Variants in NFKBIL1 observed in about 807,000 individuals in gnomAD.
NFKBIL1 encodes the protein NFKB inhibitor like 1, also known as NF-kappa-B inhibitor-like protein 1.
In NFKBIL1, 30 loss-of-function variants were observed where a neutral mutation model predicts 45.4. The ratio of observed to expected loss-of-function variants is 0.66; its 90% CI spans 0.49 to 0.90. The LOEUF (loss-of-function observed/expected upper bound fraction) is 0.90. Among genes scored for constraint, NFKBIL1 ranks in the 40% least tolerant of loss-of-function variants. The probability of loss-of-function intolerance (pLI) is 0.00; values close to 1 mark genes in which losing one functional copy is unlikely to be tolerated. For synonymous variants in NFKBIL1, 179 were observed against 197.3 expected, an observed-to-expected ratio of 0.91 and a Z score of 0.78; for missense variants, 434 against 513.4, an observed-to-expected ratio of 0.85 and a Z score of 1.49.
At chr6:31,548,686 G>A (rs1219774024) in intron 2 of NFKBIL1, among the ~76,000 whole-genome samples, 2 of 152,178 alleles carry the variant, frequency 1.3e-5, no homozygotes, top group Non-Finnish European at 2.9e-5. Flanking sequence ...TAGCTACTTT[G>A]TTTCTTGACA....
At chr6:31,553,565 ATAAAT>A (rs1769557328) in intron 2 of NFKBIL1, among the ~76,000 whole-genome samples, 1 of 152,234 alleles carries the variant, frequency 6.6e-6, no homozygotes, top group Non-Finnish European at 1.5e-5. Context: ...TTTCCTTAAA[ATAAAT>A]TATACTACAA....
intron 2 of NFKBIL1, 79 bp downstream of exon 2, chr6:31,548,518 A>T (rs1180228077): frequency 1.4e-6 from 2 of 1,382,000 alleles, no homozygotes; most frequent in Non-Finnish European, 1.9e-6. Context: ...GTTGAGAAAT[A>T]AGCTGGTTAT....
At position 31,557,948 on chromosome 6, in the gene NFKBIL1, C is replaced by T; in HGVS notation, c.557-74C>T. ...AGGCTCCTCTGCCCCCTCCTCTGTGCTTCCCTGCTTCTTGGGGCCCATCAC... is the reference window on the plus strand; with the variant it reads ...AGGCTCCTCTGCCCCCTCCTCTGTGTTTCCCTGCTTCTTGGGGCCCATCAC... On this transcript the variant is annotated intron_variant, in intron 3 of 3. Transcript: ENST00000376148. The surrounding 1 kb of genome is among the most constrained non-coding windows in gnomAD (Gnocchi z 5.4). The T allele has an allele frequency of 6.7e-7, 1 of 1,495,288 alleles. No homozygotes were observed. Among genetic ancestry groups the T allele is most frequent in the East Asian group, 2.4e-5 (1 of 42,050 alleles). The allele number at this position is 1,495,288 out of a possible 1,614,324, so 92.6% of individuals were successfully genotyped here.
At chr6:31,550,844 C>T (rs1430267307) in intron 2 of NFKBIL1, among the ~76,000 whole-genome samples, 1 of 152,152 alleles carries the variant, frequency 6.6e-6, no homozygotes, top group Non-Finnish European at 1.5e-5. Context: ...CATGCACCAT[C>T]ACGCCCGGCT....
At chr6:31,553,196 G>T (rs888482998) in intron 2 of NFKBIL1, among the ~76,000 whole-genome samples, 1 of 151,210 alleles carries the variant, frequency 6.6e-6, no homozygotes, top group Non-Finnish European at 1.5e-5. Context: ...ATCATGCCCA[G>T]CTAATTTTTG....
intron 2 of NFKBIL1, among the ~76,000 whole-genome samples, chr6:31,555,235 CTTT>C (rs9279346): frequency 3.2e-5 from 4 of 125,140 alleles, no homozygotes; most frequent in Admixed American, 8.4e-5. Context: ...TATTTTTTTT[CTTT>C]TTTTTTTTTT....
intron 2 of NFKBIL1, among the ~76,000 whole-genome samples, chr6:31,552,175 C>T (rs1457948356): frequency 6.6e-6 from 1 of 152,232 alleles, no homozygotes; most frequent in African/African-American, 2.4e-5. Context: ...TCAAGTGATC[C>T]ACCCACCTCA....
At chr6:31,550,635 C>G (rs1769378082) in intron 2 of NFKBIL1, among the ~76,000 whole-genome samples, 1 of 152,134 alleles carries the variant, frequency 6.6e-6, no homozygotes, top group Non-Finnish European at 1.5e-5. Context: ...CAGGGACATG[C>G]AGCTTACCTC....
At chr6:31,552,791 G>T (rs1310551258) in intron 2 of NFKBIL1, among the ~76,000 whole-genome samples, 1 of 127,006 alleles carries the variant, frequency 7.9e-6, no homozygotes, top group Admixed American at 9.7e-5. Context: ...TGCAAGCTCC[G>T]CTTCCCAGGT....
intron 2 of NFKBIL1, among the ~76,000 whole-genome samples, chr6:31,555,793 A>T (rs1215445477): frequency 1.4e-5 from 2 of 147,660 alleles, no homozygotes; most frequent in East Asian, 2.0e-4. Context: ...TTTATATATA[A>T]TATAAAATAT....
chr6:31,549,941 C>T (rs1374448951), intron 2 of NFKBIL1, among the ~76,000 whole-genome samples: 1 of 152,142 alleles, frequency 6.6e-6, no homozygotes, highest in Non-Finnish European at 1.5e-5. Context: ...GTGGGTCATG[C>T]CTGTAATCCC....
chr6:31,547,681 C>T lies in NFKBIL1; in HGVS notation c.-14C>T. The T allele has an allele frequency of 6.3e-7, 1 of 1,585,754 alleles. No individual in the cohort carries two copies. The highest frequency in any genetic ancestry group is 1.3e-5 in the African/African-American group (1 of 74,246). Reference sequence around the variant, plus strand: ...ACGGCTCTGGGGGTACTTGGGGGGGCGGGGGCAGGTCTGATGAGTAACCCC... The same window carrying T: ...ACGGCTCTGGGGGTACTTGGGGGGGTGGGGGCAGGTCTGATGAGTAACCCC... On this transcript the variant is annotated 5_prime_UTR_variant, in exon 1 of 4. Transcript: ENST00000376148.
At chr6:31,552,705 T>C (rs1473630616) in intron 2 of NFKBIL1, among the ~76,000 whole-genome samples, 1 of 141,846 alleles carries the variant, frequency 7.0e-6, no homozygotes, top group Non-Finnish European at 1.5e-5. Flanking sequence ...TTTTTTTTTT[T>C]TTTTTTTGGC....
At position 31,557,605 on chromosome 6, in the gene NFKBIL1, G is replaced by T; in HGVS notation, c.335-23G>T. ...GGAGTGGGAGTCCCAGCTAACTTCT[G>T]CTCCCTGCTCTCCCACCAACAGCCT... On this transcript the variant is annotated intron_variant, in intron 2 of 3. Transcript: ENST00000376148. This position sits in a 1 kb window ranked among gnomAD's most constrained non-coding sequence, Gnocchi z 5.4. 1 of 1,483,388 alleles carries T rather than the reference G, an allele frequency of 6.7e-7. No homozygotes were observed. The highest frequency in any genetic ancestry group is 9.0e-7 in the Non-Finnish European group (1 of 1,113,164). 91.9% of individuals were successfully genotyped at this position (1,483,388 alleles called of 1,614,324 possible).
At chr6:31,552,685 C>CTTTT (rs9279343) in intron 2 of NFKBIL1, among the ~76,000 whole-genome samples, 1 of 55,558 alleles carries the variant, frequency 1.8e-5, no homozygotes, top group Non-Finnish European at 3.1e-5. Flanking sequence ...GGCGGCATTT[C>CTTTT]TTTTTTTTTT....
Position 31,557,580 on chromosome 6 carries a change from G to A in NFKBIL1, c.335-48G>A. On this transcript the variant is annotated intron_variant, in intron 2 of 3. Coordinates refer to ENST00000376148, the MANE Select transcript of NFKBIL1 (RefSeq NM_005007.4). The surrounding 1 kb of genome is among the most constrained non-coding windows in gnomAD (Gnocchi z 5.4). ...GGATTCAAGATGGCAGCTCTGCCGAGGAGTGGGAGTCCCAGCTAACTTCTG... is the reference window on the plus strand; with the variant it reads ...GGATTCAAGATGGCAGCTCTGCCGAAGAGTGGGAGTCCCAGCTAACTTCTG... 1 of 1,419,204 alleles carries A rather than the reference G, an allele frequency of 7.0e-7. No homozygotes were observed. Among genetic ancestry groups the A allele is most frequent in the Non-Finnish European group, 9.4e-7 (1 of 1,061,208 alleles). The allele number at this position is 1,419,204 out of a possible 1,614,324, so 87.9% of individuals were successfully genotyped here.
intron 2 of NFKBIL1, among the ~76,000 whole-genome samples, chr6:31,550,721 C>A (rs1769384151): frequency 6.6e-6 from 1 of 152,076 alleles, no homozygotes; most frequent in Non-Finnish European, 1.5e-5. Context: ...TGGAGTTTCC[C>A]TGTTGTTGCC....
At position 31,557,274 on chromosome 6, in the gene NFKBIL1, AT is replaced by A. The variant is rs1233731199; in HGVS notation, c.335-348del. Among the ~76,000 whole-genome samples, 1 of 151,898 alleles carries A rather than the reference AT, an allele frequency of 6.6e-6. No individual in the cohort carries two copies. Among genetic ancestry groups the A allele is most frequent in the Non-Finnish European group, 1.5e-5 (1 of 67,968 alleles). ...AGGCGCCCGCCACCAGGCCTGGCTA[AT>A]TTTTTGTATTTTTTAGTAGAGATGG... On this transcript the variant is annotated intron_variant, in intron 2 of 3. Coordinates refer to ENST00000376148, the MANE Select transcript of NFKBIL1 (RefSeq NM_005007.4). The surrounding 1 kb of genome is among the most constrained non-coding windows in gnomAD (Gnocchi z 5.4).
intron 2 of NFKBIL1, among the ~76,000 whole-genome samples, chr6:31,549,615 A>C (rs562645411): frequency 3.6e-4 from 55 of 151,518 alleles, no homozygotes; most frequent in African/African-American, 1.3e-3. Context: ...ACTCAAAAAC[A>C]CTCTGAGAAC....
Sources: allele counts gnomAD v4.1 joint callset (sites outside exome capture counted in the v4.1 genomes callset), GRCh38; gene constraint gnomAD v4.1.1; non-coding constraint Gnocchi (gnomAD v3.1); transcripts MANE v1.5; gene names NCBI Gene and HGNC (gene_info 2026-07-23, HGNC 2026-07-21).